Variants in MAD1L1 observed in about 807,000 individuals in gnomAD.
MAD1L1 encodes mitotic arrest deficient 1 like 1.
A neutral mutation model predicts 96.9 loss-of-function variants in MAD1L1; 95 were observed. The ratio of observed to expected loss-of-function variants is 0.98; its 90% CI spans 0.83 to 1.16. The LOEUF is 1.16. MAD1L1 is among the 50% of genes most tolerant of loss of function. MAD1L1 has a pLI of 0.00. For missense variants in MAD1L1, 1,007 were observed against 954.4 expected, an observed-to-expected ratio of 1.06 and a Z score of -0.73; for synonymous variants, 473 against 396.6, an observed-to-expected ratio of 1.19 and a Z score of -2.29.
chr7:1,831,340 A>AAACTT (rs1782694716), intron 18 of MAD1L1, among the ~76,000 whole-genome samples: 1 of 152,220 alleles, frequency 6.6e-6, no homozygotes, highest in African/African-American at 2.4e-5. Context: ...ATAAGAGAGC[A>AAACTT]AACTTAACTG....
chr7:2,215,057 C>G (rs944372902), intron 9 of MAD1L1, among the ~76,000 whole-genome samples: 8 of 152,042 alleles, frequency 5.3e-5, no homozygotes, highest in Non-Finnish European at 4.4e-5. Flanking sequence ...CACAGGGAGA[C>G]CCCATCTCTA....
At chr7:1,823,314 A>T (rs897227865) in intron 18 of MAD1L1, among the ~76,000 whole-genome samples, 5 of 152,148 alleles carry the variant, frequency 3.3e-5, no homozygotes, top group Non-Finnish European at 7.4e-5. Flanking sequence ...GTTAAAAAAG[A>T]AATCTTCAGG....
intron 11 of MAD1L1, among the ~76,000 whole-genome samples, chr7:2,140,081 C>A (rs1788953832): frequency 6.6e-6 from 1 of 151,990 alleles, no homozygotes. Context: ...TACTTCCCTG[C>A]AGGACGTGCA....
At chr7:1,938,976 C>T (rs1367135540) in intron 16 of MAD1L1, among the ~76,000 whole-genome samples, 2 of 118,152 alleles carry the variant, frequency 1.7e-5, no homozygotes, top group African/African-American at 3.3e-5. Flanking sequence ...GGGCCAGGGC[C>T]GGGACCAGAG....
chr7:1,822,434 ATATATATATTT>A (rs1782174007), intron 18 of MAD1L1, among the ~76,000 whole-genome samples: 1 of 89,962 alleles, frequency 1.1e-5, no homozygotes, highest in Non-Finnish European at 2.6e-5. Flanking sequence ...CTCAGCATAT[ATATATATATTT>A]TTTTTTTTTT....
intron 18 of MAD1L1, among the ~76,000 whole-genome samples, chr7:1,816,530 GGCTCCA>G (rs1277214424): frequency 6.6e-6 from 1 of 152,148 alleles, no homozygotes; most frequent in Non-Finnish European, 1.5e-5. Context: ...CCACCTGGGG[GGCTCCA>G]GCACCTGTGC....
chr7:2,087,352 C>T (rs891650927), intron 11 of MAD1L1, among the ~76,000 whole-genome samples: 1 of 152,250 alleles, frequency 6.6e-6, no homozygotes, highest in African/African-American at 2.4e-5. Flanking sequence ...CCAGCCTGAC[C>T]AACATGGCGA....
intron 12 of MAD1L1, among the ~76,000 whole-genome samples, chr7:2,047,942 C>A (rs1352456948): frequency 6.6e-6 from 1 of 152,146 alleles, no homozygotes; most frequent in Non-Finnish European, 1.5e-5. Context: ...GCATGCACAG[C>A]TCACAAAGCA....
At chr7:2,064,799 G>C (rs1230701311) in intron 12 of MAD1L1, among the ~76,000 whole-genome samples, 3 of 67,022 alleles carry the variant, frequency 4.5e-5, no homozygotes, top group Admixed American at 4.4e-4. Context: ...CAGGACGGAG[G>C]CTTCTCCCAG....
intron 12 of MAD1L1, among the ~76,000 whole-genome samples, chr7:2,062,791 C>G (rs1475557740): frequency 6.6e-6 from 1 of 152,078 alleles, no homozygotes; most frequent in African/African-American, 2.4e-5. Context: ...CTGTGCAGCA[C>G]CCACCGCAGG....
At chr7:2,193,537 A>C (rs1791830541) in intron 10 of MAD1L1, 1 of 152,290 alleles carries the variant, frequency 6.6e-6, no homozygotes, top group South Asian at 2.1e-4. Context: ...TGAATGGAAC[A>C]GACGTGATCA....
chr7:1,979,066 C>G (rs568084904), intron 15 of MAD1L1, among the ~76,000 whole-genome samples: 20 of 152,360 alleles, frequency 1.3e-4, no homozygotes, highest in Admixed American at 6.5e-4. Flanking sequence ...AAAGGCAGCC[C>G]TTTTCCTGCT....
intron 10 of MAD1L1, among the ~76,000 whole-genome samples, chr7:2,157,447 C>T (rs1789901750): frequency 6.6e-6 from 1 of 152,228 alleles, no homozygotes; most frequent in Admixed American, 6.5e-5. Context: ...AAAAGCAGCA[C>T]AGCATGCTCC....
rs540421901 is a variant in MAD1L1 at position 1,886,785 on chromosome 7, C to T, written c.1998+11415G>A. Among the ~76,000 whole-genome samples the T allele has an allele frequency of 4.6e-5, 7 of 152,382 alleles. No individual in the cohort carries two copies. In the East Asian group the frequency reaches 1.4e-3, roughly 29 times the overall value. On this transcript the variant is annotated intron_variant, in intron 18 of 18. Transcript: ENST00000265854. ...GGCACTGTGTGCAGACAGGCAGAGACCTGCTGCAGGGCTGGGGCAGCAGGT... is the reference window on the plus strand; with the variant it reads ...GGCACTGTGTGCAGACAGGCAGAGATCTGCTGCAGGGCTGGGGCAGCAGGT...
At chr7:2,188,395 G>C (rs1791562009) in intron 10 of MAD1L1, among the ~76,000 whole-genome samples, 1 of 152,158 alleles carries the variant, frequency 6.6e-6, no homozygotes, top group African/African-American at 2.4e-5. Flanking sequence ...AAGCAATCTT[G>C]AAAAGTTAGA....
chr7:2,122,251 G>A (rs1443933874), intron 11 of MAD1L1, among the ~76,000 whole-genome samples: 4 of 152,228 alleles, frequency 2.6e-5, no homozygotes, highest in Non-Finnish European at 5.9e-5. Flanking sequence ...CGTCAGACCT[G>A]TCCACCTCGT....
chr7:1,902,724 G>T (rs559376616), intron 17 of MAD1L1, among the ~76,000 whole-genome samples: 1 of 152,370 alleles, frequency 6.6e-6, no homozygotes, highest in African/African-American at 2.4e-5. Context: ...CAGTGGGAAG[G>T]AGGACCCAGC....
chr7:2,232,183 T>C (rs1015419961), intron 1 of MAD1L1, among the ~76,000 whole-genome samples: 1 of 152,200 alleles, frequency 6.6e-6, no homozygotes, highest in African/African-American at 2.4e-5. Context: ...CAAGCGCGTT[T>C]AAAAGCCAAA....
Position 2,085,394 on chromosome 7 carries a change from C to T in MAD1L1, c.1074-16056G>A, listed in dbSNP as rs563339047. On this transcript the variant is annotated intron_variant, in intron 11 of 18. Coordinates refer to ENST00000265854, the MANE Select transcript of MAD1L1 (RefSeq NM_001013836.2). ...CGCAGTACACACCCCAGGAGAGCAG[C>T]GCATGTAGCTGTCCCTGCCTGCAGC... 1.2e-4 allele frequency among the ~76,000 whole-genome samples: 19 copies of T among 152,338 alleles called. No individual in the cohort carries two copies. The South Asian group carries it at 2.5e-3, about 20-fold the overall frequency.
Sources: gnomAD v4.1 joint callset for allele counts (sites outside exome capture counted in the v4.1 genomes callset) on GRCh38, gnomAD v4.1.1 for gene constraint, MANE v1.5 for transcripts, NCBI Gene and HGNC (gene_info 2026-07-23, HGNC 2026-07-21) for gene names.